Variants in CD63 observed in about 807,000 individuals in gnomAD.
CD63 encodes the protein CD63 molecule.
CD63 carries 16 observed loss-of-function variants against 29.2 expected under a neutral mutation model. That is an observed-to-expected ratio of 0.55 (90% confidence interval 0.37 to 0.83). The LOEUF (loss-of-function observed/expected upper bound fraction) is 0.83. Ranked by LOEUF, CD63 falls within the 40% of genes least tolerant of loss-of-function variation. The probability of loss-of-function intolerance (pLI) is 0.00; values close to 1 mark genes in which losing one functional copy is unlikely to be tolerated. For synonymous variants in CD63, 118 were observed against 111.7 expected (o/e 1.06, Z -0.36); for missense variants, 251 against 297.3 (o/e 0.84, Z 1.15).
At chr12:55,729,208 G>A (rs1877749354), upstream of CD63, 1 of 912,774 alleles carries the variant, frequency 1.1e-6, no homozygotes, top group African/African-American at 1.8e-5. Flanking sequence ...CCGGAAGAAG[G>A]CGCCCACCCC....
chr12:55,724,530 C>T, downstream of CD63: 1 of 1,611,754 alleles, frequency 6.2e-7, no homozygotes, highest in Non-Finnish European at 8.5e-7. Flanking sequence ...CCAAGCCTGC[C>T]CAAGCAGTCT....
Position 55,728,806 on chromosome 12 carries a change from C to T in CD63, c.-12+147G>A, listed in dbSNP as rs1877712305. On this transcript the variant is annotated intron_variant, in intron 1 of 7. Transcript: ENST00000257857. The surrounding 1 kb of genome is among the most constrained non-coding windows in gnomAD (Gnocchi z 4.8). ...GCACCCCCGCCACACCCTGCCCGGG[C>T]CCAGGGAACTTCGAAGCAAAGTTGC... 2 of 992,096 alleles carry T rather than the reference C, an allele frequency of 2.0e-6. No individual in the cohort carries two copies. Among genetic ancestry groups the T allele is most frequent in the South Asian group, 4.4e-5 (1 of 22,978 alleles). The allele number at this position is 992,096 out of a possible 1,614,324, so 61.5% of individuals were successfully genotyped here.
At chr12:55,724,645 C>A (rs984032376), downstream of CD63, 10 of 1,065,160 alleles carry the variant, frequency 9.4e-6, no homozygotes, top group African/African-American at 1.6e-5. Context: ...AAAATAAGCA[C>A]TAACAAAAGT....
rs772258 is a variant in CD63, at chr12:55,726,984, A to G, written c.256-20T>C. 7.9e-3 allele frequency: 12,799 copies of G among 1,613,152 alleles called. 731 individuals are homozygous for G. In the African/African-American group the frequency reaches 0.14, roughly 17 times the overall value. ...GGCAAACTGCAGGAGCAAAGGACAG[A>G]AGTCAAGTTTGGAGTCTATGCATTA... On this transcript the variant is annotated intron_variant, in intron 3 of 7. Transcript: ENST00000257857.
downstream of CD63, chr12:55,723,792 C>A: frequency 7.0e-7 from 1 of 1,426,424 alleles, no homozygotes; most frequent in Non-Finnish European, 9.8e-7. Context: ...TGTCCCTGGT[C>A]TGTGGTAACT....
rs982762976 is a variant in CD63 at position 55,727,339 on chromosome 12, C to G, written c.67G>C (p.Ala23Pro). ...LLYVLLLAFC[A>P]CAVGLIAVGV... is the part of the protein sequence containing the mutation. Reference sequence around the variant, plus strand: ...ACGGCAATCAGTCCCACTGCACAGGCCTAAGAGAAAATCAGGTGAGGATTA... The same window carrying G: ...ACGGCAATCAGTCCCACTGCACAGGGCTAAGAGAAAATCAGGTGAGGATTA... The change falls in exon 3 of 8, where the codon GCC becomes CCC. Residue 23 changes from alanine (A) to proline (P), a missense_variant and splice_region_variant. Coordinates refer to ENST00000257857, the MANE Select transcript of CD63 (RefSeq NM_001780.6). 1 of 1,610,712 alleles carries G rather than the reference C, an allele frequency of 6.2e-7. No homozygotes were observed. Among genetic ancestry groups the G allele is most frequent in the Admixed American group, 1.7e-5 (1 of 59,752 alleles).
rs1448612847 is a variant in CD63 at position 55,726,102 on chromosome 12, TAC to T, written c.567+17_567+18del. The T allele has an allele frequency of 2.5e-6, 4 of 1,613,566 alleles. No homozygotes were observed. Among genetic ancestry groups the T allele is most frequent in the Non-Finnish European group, 2.5e-6 (3 of 1,179,726 alleles). ...CATTTCCCAGGTTTCCCAAGTCCCA[TAC>T]ACAGTCTCCTCCCTACCTCCTTATG... On this transcript the variant is annotated intron_variant, in intron 6 of 7. Transcript: ENST00000257857.
chr12:55,724,195 G>A, downstream of CD63: 4 of 1,447,652 alleles, frequency 2.8e-6, no homozygotes, highest in South Asian at 3.6e-5. Context: ...CAGGCCATGT[G>A]GAACCTGCCC....
intron 2 of CD63, chr12:55,727,583 G>T: frequency 7.8e-7 from 1 of 1,290,288 alleles, no homozygotes; most frequent in Non-Finnish European, 9.8e-7. Context: ...CTCCCAGAAA[G>T]CCTTGACCTC....
intron 3 of CD63, 32 bp from the exon 4 acceptor site, chr12:55,726,996 G>T (rs1349342849): frequency 1.2e-6 from 2 of 1,609,282 alleles, no homozygotes; most frequent in South Asian, 2.2e-5. Context: ...GTCAAGTTTG[G>T]AGTCTATGCA....
rs532672007 is a variant in CD63, at chr12:55,725,867, C to T, written c.597G>A (p.Leu199=). The T allele has an allele frequency of 6.2e-7, 1 of 1,614,128 alleles. No homozygotes were observed. Among genetic ancestry groups the T allele is most frequent in the Admixed American group, 1.7e-5 (1 of 60,018 alleles). ...EGCVEKIGGW[L]RKNVLVVAAA... ...CAGCTACCACCAGCACATTTTTCCT[C>T]AGCCAGCCCCCAATCTTCTCCACAC... The change falls in exon 7 of 8, where the codon CTG becomes CTA. Residue 199 remains leucine (L), a synonymous_variant. Coordinates refer to ENST00000257857, the MANE Select transcript of CD63 (RefSeq NM_001780.6).
chr12:55,727,632 G>C, intron 2 of CD63: 1 of 1,149,024 alleles, frequency 8.7e-7, no homozygotes, highest in Non-Finnish European at 1.1e-6. Flanking sequence ...GCTTTCTACA[G>C]GCCTCCAGGG....
At position 55,726,171 on chromosome 12, in the gene CD63, CAT is replaced by C. The variant is rs774802256; in HGVS notation, c.515_516del (p.Asn172SerfsTer8). 1.2e-6 allele frequency: 2 copies of C among 1,613,866 alleles called. No homozygotes were observed. The highest frequency in any genetic ancestry group is 1.3e-5 in the African/African-American group (1 of 74,832). ...AAATTAATCCCACAGCCCACAGTAA[CAT>C]TAATGCAGCAGGAGTCGGGGACTCG... ...KNRVPDSCCI[N>X]VTVGCGINFN... On this transcript the variant is annotated frameshift_variant, in exon 6 of 8. Coordinates refer to ENST00000257857, the MANE Select transcript of CD63 (RefSeq NM_001780.6). LOFTEE classifies it high-confidence loss of function.
chr12:55,729,125 T>C (rs1265907287), upstream of CD63: 1 of 984,950 alleles, frequency 1.0e-6, no homozygotes, highest in Non-Finnish European at 1.2e-6. Flanking sequence ...CGGTAACAGC[T>C]GCGGCCTGAG....
At chr12:55,729,042 G>A (rs1342459307), upstream of CD63, 2 of 985,144 alleles carry the variant, frequency 2.0e-6, no homozygotes, top group Non-Finnish European at 2.4e-6. Flanking sequence ...CCCGCCTGCC[G>A]CGCGGCCCCG....
chr12:55,727,916 G>A, intron 2 of CD63: 1 of 1,156,984 alleles, frequency 8.6e-7, no homozygotes, highest in Non-Finnish European at 1.1e-6. Context: ...AGGGATGAGA[G>A]GGTTGGGGAG....
At chr12:55,726,039 C>T in intron 6 of CD63, 82 bp downstream of exon 6, 1 of 1,553,918 alleles carries the variant, frequency 6.4e-7, no homozygotes, top group South Asian at 1.1e-5. Flanking sequence ...CATCCCTGAC[C>T]CTGTCCACCT....
Position 55,725,799 on chromosome 12 carries a change from G to A in CD63, c.651+14C>T. ...TGGACAGAGTCCCAGCCCCTGCTCA[G>A]GGTTATCTCTTACCTCGACAAAAGC... On this transcript the variant is annotated intron_variant, in intron 7 of 7. Coordinates refer to ENST00000257857, the MANE Select transcript of CD63 (RefSeq NM_001780.6). The A allele has an allele frequency of 6.2e-7, 1 of 1,612,644 alleles. No homozygotes were observed. Among genetic ancestry groups the A allele is most frequent in the Non-Finnish European group, 8.5e-7 (1 of 1,178,676 alleles).
At position 55,727,207 on chromosome 12, in the gene CD63, C is replaced by G; in HGVS notation, c.199G>C (p.Val67Leu). Residue 67 changes from valine to leucine, a missense_variant, in exon 3 of 8, where the codon GTG (valine) becomes CTG (leucine). Val to Leu is a conservative substitution (Grantham distance 32). Transcript: ENST00000257857. Reference protein sequence around the residue: ...IIAVGVFLFLVAFVGCCGACK... With the variant: ...IIAVGVFLFLLAFVGCCGACK... ...GCCCCGCAGCAGCCCACAAAAGCCACCAGGAAGAGGAAGACACCCACTGCG... is the reference window on the plus strand; with the variant it reads ...GCCCCGCAGCAGCCCACAAAAGCCAGCAGGAAGAGGAAGACACCCACTGCG... 6.2e-7 allele frequency: 1 copy of G among 1,613,834 alleles called. No homozygotes were observed. Among genetic ancestry groups the G allele is most frequent in the Non-Finnish European group, 8.5e-7 (1 of 1,180,028 alleles).
Sources: gnomAD v4.1 joint callset for allele counts on GRCh38, gnomAD v4.1.1 for gene constraint, Gnocchi (gnomAD v3.1) non-coding constraint, MANE v1.5 for transcripts, NCBI Gene and HGNC (gene_info 2026-07-23, HGNC 2026-07-21) for gene names.